The following ARL2 variants were observed in gnomAD, a reference collection of about 807,000 sequenced individuals.
The protein encoded by ARL2 is ARF like GTPase 2.
ARL2 carries 11 observed loss-of-function variants against 22.0 expected under a neutral mutation model. The ratio of observed to expected loss-of-function variants is 0.50; its 90% CI spans 0.31 to 0.83. The LOEUF is 0.83. ARL2 is among the 40% of genes least tolerant of loss of function. The probability of loss-of-function intolerance (pLI) is 0.04; values close to 1 mark genes in which losing one functional copy is unlikely to be tolerated. For missense variants in ARL2, 216 were observed against 243.2 expected, an observed-to-expected ratio of 0.89 and a Z score of 0.74; for synonymous variants, 111 against 100.8, an observed-to-expected ratio of 1.10 and a Z score of -0.61.
intron 4 of ARL2, 127 bp from the exon 5 acceptor site, chr11:65,021,594 G>A: frequency 7.9e-7 from 1 of 1,264,740 alleles, no homozygotes; most frequent in South Asian, 1.6e-5. Context: ...GGGCTTCCTG[G>A]ATGGGATGAC....
intron 4 of ARL2, among the ~76,000 whole-genome samples, chr11:65,021,117 C>T (rs1050419928): frequency 6.6e-6 from 1 of 152,188 alleles, no homozygotes; most frequent in Admixed American, 6.5e-5. Flanking sequence ...ATTCTCACAA[C>T]CACCTCATGA....
Position 65,020,477 on chromosome 11 carries a change from T to C in ARL2, c.398T>C (p.Leu133Pro). 1.2e-6 allele frequency: 2 copies of C among 1,612,398 alleles called. No homozygotes were observed. The highest frequency in any genetic ancestry group is 2.2e-5 in the South Asian group (2 of 90,632). ...FANKQDLPGA[L>P]SSNAIREVLE... ...AATAAGCAGGACCTGCCTGGAGCAC[T>C]GTCCTCTAACGCCATCCGCGAGGTG... Residue 133 changes from leucine to proline, a missense_variant, in exon 4 of 5, where the codon CTG (leucine) becomes CCG (proline). By Grantham distance (98) the Leu-to-Pro change is moderately conservative. Transcript: ENST00000246747.
At chr11:65,021,529 T>C in intron 4 of ARL2, 192 bp from the exon 5 acceptor site, 1 of 626,266 alleles carries the variant, frequency 1.6e-6, no homozygotes, top group Non-Finnish European at 2.7e-6. Context: ...GGCATGGAAC[T>C]GGACAGAGAG....
At position 65,021,993 on chromosome 11, in the gene ARL2, G is replaced by A. The variant is rs546693176; in HGVS notation, c.*138G>A. On this transcript the variant is annotated 3_prime_UTR_variant, in exon 5 of 5. Coordinates refer to ENST00000246747, the MANE Select transcript of ARL2 (RefSeq NM_001667.4). ...CAGCCTGCTGCTGCTACTGCTGCCC[G>A]CTGCTGCTCTGTGGCCACCCGGCTC... is the stretch of plus-strand genomic sequence containing the variant. 21 of 1,302,130 alleles carry A rather than the reference G, an allele frequency of 1.6e-5. No homozygotes were observed. Among genetic ancestry groups the A allele is most frequent in the East Asian group, 5.1e-5 (2 of 39,220 alleles). 80.7% of individuals were successfully genotyped at this position (1,302,130 alleles called of 1,614,324 possible).
chr11:65,014,164 C>G lies in ARL2; in HGVS notation c.-44C>G, dbSNP rs777969505. ...CCAACAGGAACCGGGAGCGGGGTCC[C>G]GGGACTGGGAAGAAACGGCGGCCGG... is the stretch of plus-strand genomic sequence containing the variant. On this transcript the variant is annotated 5_prime_UTR_variant, in exon 1 of 5. Coordinates refer to ENST00000246747, the MANE Select transcript of ARL2 (RefSeq NM_001667.4). 20 of 1,480,536 alleles carry G rather than the reference C, an allele frequency of 1.4e-5. No homozygotes were observed. In the Admixed American group the frequency reaches 1.6e-4, roughly 12 times the overall value. 91.7% of individuals were successfully genotyped at this position (1,480,536 alleles called of 1,614,324 possible). A position where few individuals can be genotyped will look rare whatever the true frequency, so the allele number is the denominator to read the frequency against.
chr11:65,017,318 C>T lies in ARL2; in HGVS notation c.66-1046C>T, dbSNP rs181660376. ...TCAAGCAATTCTCCTGTCTCAGCCT[C>T]CCGAGTAGCTGGGACTATAGGGGCC... On this transcript the variant is annotated intron_variant, in intron 1 of 4. Coordinates refer to ENST00000246747, the MANE Select transcript of ARL2 (RefSeq NM_001667.4). Among the ~76,000 whole-genome samples, 151 of 151,698 alleles carry T rather than the reference C, an allele frequency of 1.0e-3. 1 individual carries two copies. Among genetic ancestry groups the T allele is most frequent in the African/African-American group, 3.5e-3 (146 of 41,386 alleles).
intron 1 of ARL2, among the ~76,000 whole-genome samples, chr11:65,015,583 G>A (rs948140501): frequency 1.3e-5 from 2 of 152,088 alleles, no homozygotes; most frequent in South Asian, 4.1e-4. Context: ...GTGGCGGGGG[G>A]GTTGCCCGCG....
At position 65,018,284 on chromosome 11, in the gene ARL2, A is replaced by G. The variant is rs780581682; in HGVS notation, c.66-80A>G. ...TCAGTTTGATACATGGTGGGAAATA[A>G]TGAGTCCCCTAAGGGGCTCTGCAAC... On this transcript the variant is annotated intron_variant, in intron 1 of 4. Coordinates refer to ENST00000246747, the MANE Select transcript of ARL2 (RefSeq NM_001667.4). This position sits in a 1 kb window ranked among gnomAD's most constrained non-coding sequence, Gnocchi z 4.2. The G allele has an allele frequency of 1.2e-4, 136 of 1,156,168 alleles. No homozygotes were observed. The highest frequency in any genetic ancestry group is 3.9e-4 in the Admixed American group (17 of 43,150). The allele number at this position is 1,156,168 out of a possible 1,614,324, so 71.6% of individuals were successfully genotyped here.
At chr11:65,015,876 A>G (rs1016063690) in intron 1 of ARL2, among the ~76,000 whole-genome samples, 1 of 151,860 alleles carries the variant, frequency 6.6e-6, no homozygotes, top group African/African-American at 2.4e-5. Context: ...GTATATAGGT[A>G]TGGAGAATAA....
At chr11:65,021,045 G>C (rs539100345) in intron 4 of ARL2, among the ~76,000 whole-genome samples, 1 of 152,214 alleles carries the variant, frequency 6.6e-6, no homozygotes, top group Non-Finnish European at 1.5e-5. Flanking sequence ...ACAGGCTAAC[G>C]GTAGCCAGCA....
intron 1 of ARL2, among the ~76,000 whole-genome samples, chr11:65,016,153 G>A (rs1946250494): frequency 6.6e-6 from 1 of 150,452 alleles, no homozygotes; most frequent in Non-Finnish European, 1.5e-5. Flanking sequence ...ACTGCAGTGA[G>A]CTGAGATCAC....
chr11:65,018,543 A>T lies in ARL2; in HGVS notation c.177-28A>T. 1.2e-6 allele frequency: 2 copies of T among 1,602,384 alleles called. No individual in the cohort carries two copies. The highest frequency in any genetic ancestry group is 1.7e-6 in the Non-Finnish European group (2 of 1,174,088). On this transcript the variant is annotated intron_variant, in intron 2 of 4. Coordinates refer to ENST00000246747, the MANE Select transcript of ARL2 (RefSeq NM_001667.4). The surrounding 1 kb of genome is among the most constrained non-coding windows in gnomAD (Gnocchi z 4.2). Reference sequence around the variant, plus strand: ...GGAAGGTGGGAGAGGGGCCCAGCTGACCCTCCTGTCACCCGCTCCTTGCCC... The same window carrying T: ...GGAAGGTGGGAGAGGGGCCCAGCTGTCCCTCCTGTCACCCGCTCCTTGCCC...
intron 4 of ARL2, 63 bp from the exon 5 acceptor site, chr11:65,021,658 G>A: frequency 6.6e-7 from 1 of 1,523,800 alleles, no homozygotes; most frequent in South Asian, 1.2e-5. Flanking sequence ...GGGAGGGAAG[G>A]GGCTGACGGC....
chr11:65,021,524 G>A, intron 4 of ARL2, 197 bp from the exon 5 acceptor site: 1 of 566,958 alleles, frequency 1.8e-6, no homozygotes. Flanking sequence ...GCACTGGCAT[G>A]GAACTGGACA....
In ARL2 at chr11:65,022,005, TG is replaced by T; in HGVS notation, c.*152del. On this transcript the variant is annotated 3_prime_UTR_variant, in exon 5 of 5. Transcript: ENST00000246747. ...GCTACTGCTGCCCGCTGCTGCTCTG[TG>T]GCCACCCGGCTCCCATGGCGGGAGG... 8.4e-7 allele frequency: 1 copy of T among 1,197,446 alleles called. No individual in the cohort carries two copies. Among genetic ancestry groups the T allele is most frequent in the Non-Finnish European group, 1.2e-6 (1 of 867,536 alleles). The allele number at this position is 1,197,446 out of a possible 1,614,324, so 74.2% of individuals were successfully genotyped here.
chr11:65,018,400 G>A lies in ARL2; in HGVS notation c.102G>A (p.Lys34=), dbSNP rs1418948430. Reference sequence around the variant, plus strand: ...ATGCTGGAAAGACAACCATCCTGAAGAAGTTCAATGGGGAGGACATCGACA... The same window carrying A: ...ATGCTGGAAAGACAACCATCCTGAAAAAGTTCAATGGGGAGGACATCGACA... ...LDNAGKTTIL[K]KFNGEDIDTI... Residue 34 remains lysine (K), a synonymous_variant, in exon 2 of 5, where the codon AAG becomes AAA. Coordinates refer to ENST00000246747, the MANE Select transcript of ARL2 (RefSeq NM_001667.4). This position sits in a 1 kb window ranked among gnomAD's most constrained non-coding sequence, Gnocchi z 4.2. 5 of 1,609,062 alleles carry A rather than the reference G, an allele frequency of 3.1e-6. No homozygotes were observed. Among genetic ancestry groups the A allele is most frequent in the Non-Finnish European group, 4.2e-6 (5 of 1,178,190 alleles).
In ARL2 at chr11:65,014,974, C is replaced by G. The variant is rs1305454136; in HGVS notation, c.65+702C>G. On this transcript the variant is annotated intron_variant, in intron 1 of 4. Transcript: ENST00000246747. ...TTGTTTTTTGAGACAGGGTCTTGCTCTGTTGCCCTGGCTGGAGTGCAGTGG... is the reference window on the plus strand; with the variant it reads ...TTGTTTTTTGAGACAGGGTCTTGCTGTGTTGCCCTGGCTGGAGTGCAGTGG... 2.0e-5 allele frequency among the ~76,000 whole-genome samples: 3 copies of G among 152,372 alleles called. No homozygotes were observed. The South Asian group carries it at 6.2e-4, about 32-fold the overall frequency.
Position 65,021,914 on chromosome 11 carries a change from C to T in ARL2, c.*59C>T. The T allele has an allele frequency of 6.4e-7, 1 of 1,574,220 alleles. No homozygotes were observed. Among genetic ancestry groups the T allele is most frequent in the Non-Finnish European group, 8.6e-7 (1 of 1,158,792 alleles). The stretch of plus-strand genomic sequence containing the variant: ...GTCCCTCAACCTTCACCAAACACTA[C>T]CCATGGGGGGTTGGGAGTCAGCCGG... On this transcript the variant is annotated 3_prime_UTR_variant, in exon 5 of 5. Coordinates refer to ENST00000246747, the MANE Select transcript of ARL2 (RefSeq NM_001667.4).
At position 65,020,590 on chromosome 11, in the gene ARL2, T is replaced by G. The variant is rs1039494293; in HGVS notation, c.420+91T>G. ...ATTTATTAAAAATAACCAAAAAGGCTGGGTGCAGTGGCTCACGCCTGTAAT... is the reference window on the plus strand; with the variant it reads ...ATTTATTAAAAATAACCAAAAAGGCGGGGTGCAGTGGCTCACGCCTGTAAT... On this transcript the variant is annotated intron_variant, in intron 4 of 4. Coordinates refer to ENST00000246747, the MANE Select transcript of ARL2 (RefSeq NM_001667.4). 8 of 1,307,100 alleles carry G rather than the reference T, an allele frequency of 6.1e-6. No individual in the cohort carries two copies. In the African/African-American group the frequency reaches 7.4e-5, roughly 12 times the overall value. 81.0% of individuals were successfully genotyped at this position (1,307,100 alleles called of 1,614,324 possible).
Sources: gnomAD v4.1 joint callset for allele counts (sites outside exome capture counted in the v4.1 genomes callset) on GRCh38, gnomAD v4.1.1 for gene constraint, Gnocchi (gnomAD v3.1) non-coding constraint, MANE v1.5 for transcripts, NCBI Gene and HGNC (gene_info 2026-07-23, HGNC 2026-07-21) for gene names.